Variants in SLC10A7 observed in about 807,000 individuals in gnomAD.
SLC10A7 encodes sodium/bile acid cotransporter 7.
A neutral mutation model predicts 43.2 loss-of-function variants in SLC10A7; 29 were observed. The ratio of observed to expected loss-of-function variants is 0.67; its 90% CI spans 0.50 to 0.92. The LOEUF is 0.92. SLC10A7 is among the 40% of genes least tolerant of loss of function. The probability of loss-of-function intolerance (pLI) is 0.00; values close to 1 mark genes in which losing one functional copy is unlikely to be tolerated. For synonymous variants in SLC10A7, 152 were observed against 144.8 expected (o/e 1.05, Z -0.35); for missense variants, 295 against 403.2 (o/e 0.73, Z 2.30).
intron 5 of SLC10A7, among the ~76,000 whole-genome samples, chr4:146,434,942 T>C (rs1036243768): frequency 1.3e-5 from 2 of 152,168 alleles, no homozygotes; most frequent in African/African-American, 4.8e-5. Flanking sequence ...TTAGGATGTC[T>C]GTGGAATCAC....
intron 4 of SLC10A7, among the ~76,000 whole-genome samples, chr4:146,445,919 G>A (rs991968671): frequency 1.4e-5 from 2 of 147,340 alleles, no homozygotes; most frequent in Admixed American, 6.8e-5. Context: ...GTGTGTGCAC[G>A]TGCGCACGCG....
At position 146,415,871 on chromosome 4, in the gene SLC10A7, G is replaced by A. The variant is rs573405582; in HGVS notation, c.435+26912C>T. Among the ~76,000 whole-genome samples, 4 of 152,204 alleles carry A rather than the reference G, an allele frequency of 2.6e-5. No homozygotes were observed. The South Asian group carries it at 8.3e-4, about 32-fold the overall frequency. On this transcript the variant is annotated intron_variant, in intron 5 of 11. Transcript: ENST00000335472. ...ATTCCAACCAGCTTGAAATATCATA[G>A]ATTGCGAATTAGTTAGGTACACAGC...
chr4:146,304,061 CAT>C (rs574431352), intron 7 of SLC10A7, among the ~76,000 whole-genome samples: 866 of 52,238 alleles, frequency 0.017, 2 homozygotes, highest in Admixed American at 0.025. Flanking sequence ...CCTATGATTT[CAT>C]AGAAAACAAA....
At chr4:146,275,449 G>A (rs1214257234) in intron 10 of SLC10A7, among the ~76,000 whole-genome samples, 1 of 152,134 alleles carries the variant, frequency 6.6e-6, no homozygotes, top group East Asian at 1.9e-4. Context: ...GCTTAGCATG[G>A]TGGCTAATAG....
intron 1 of SLC10A7, among the ~76,000 whole-genome samples, chr4:146,519,866 T>C (rs1414363753): frequency 6.6e-6 from 1 of 152,158 alleles, no homozygotes; most frequent in Non-Finnish European, 1.5e-5. Context: ...CTATTATAAT[T>C]AAACAAAGGA....
chr4:146,495,347 A>G (rs1170652779), intron 4 of SLC10A7, among the ~76,000 whole-genome samples: 10 of 151,990 alleles, frequency 6.6e-5, no homozygotes. Context: ...TTTCCTTTTC[A>G]CTCCTAGTCC....
intron 5 of SLC10A7, among the ~76,000 whole-genome samples, chr4:146,368,865 C>T (rs1019386787): frequency 6.6e-6 from 1 of 152,178 alleles, no homozygotes; most frequent in African/African-American, 2.4e-5. Flanking sequence ...ACACTATAGT[C>T]TATGAAAGTG....
At position 146,304,690 on chromosome 4, in the gene SLC10A7, T is replaced by C. The variant is rs575937548; in HGVS notation, c.555+1236A>G. On this transcript the variant is annotated intron_variant, in intron 7 of 11. Coordinates refer to ENST00000335472, the MANE Select transcript of SLC10A7 (RefSeq NM_001029998.6). Reference sequence around the variant, plus strand: ...TCCAAGTATGTGGTCAATTTTGGAATAGGTGTGGTGTGGTGCTGAAAAAAA... The same window carrying C: ...TCCAAGTATGTGGTCAATTTTGGAACAGGTGTGGTGTGGTGCTGAAAAAAA... Among the ~76,000 whole-genome samples the C allele has an allele frequency of 1.1e-3, 165 of 152,260 alleles. 1 individual carries two copies. Among genetic ancestry groups the C allele is most frequent in the African/African-American group, 3.4e-3 (143 of 41,544 alleles).
rs997218379 is a variant in SLC10A7 at position 146,350,486 on chromosome 4, G to C, written c.436-24490C>G. ...GCCCGCCATTGCCCAGGCTTGCTTAGGTAAACAAAGCAGCCGGGAAGCTCG... is the reference window on the plus strand; with the variant it reads ...GCCCGCCATTGCCCAGGCTTGCTTACGTAAACAAAGCAGCCGGGAAGCTCG... On this transcript the variant is annotated intron_variant, in intron 5 of 11. Coordinates refer to ENST00000335472, the MANE Select transcript of SLC10A7 (RefSeq NM_001029998.6). 2.8e-5 allele frequency among the ~76,000 whole-genome samples: 4 copies of C among 142,360 alleles called. No individual in the cohort carries two copies. The South Asian group carries it at 6.8e-4, about 24-fold the overall frequency. The allele number at this position is 142,360 out of a possible 152,430, so 93.4% of individuals were successfully genotyped here.
intron 4 of SLC10A7, among the ~76,000 whole-genome samples, chr4:146,453,270 A>G (rs1471409099): frequency 6.6e-6 from 1 of 152,002 alleles, no homozygotes; most frequent in African/African-American, 2.4e-5. Flanking sequence ...TGGGTGCTAA[A>G]TTGAATCAGG....
chr4:146,462,819 T>G (rs896178243), intron 4 of SLC10A7, among the ~76,000 whole-genome samples: 1 of 152,126 alleles, frequency 6.6e-6, no homozygotes, highest in Non-Finnish European at 1.5e-5. Context: ...ACCTGAGGCT[T>G]TCTCCTGGTC....
At position 146,324,071 on chromosome 4, in the gene SLC10A7, C is replaced by T. The variant is rs1405344203; in HGVS notation, c.471+1890G>A. ...CAAATCACGAGTGAACTCCCATTCA[C>T]AATTGCTTCAAAGAGAATAAAATAC... On this transcript the variant is annotated intron_variant, in intron 6 of 11. Coordinates refer to ENST00000335472, the MANE Select transcript of SLC10A7 (RefSeq NM_001029998.6). Among the ~76,000 whole-genome samples, 8 of 152,130 alleles carry T rather than the reference C, an allele frequency of 5.3e-5. No homozygotes were observed. The East Asian group carries it at 1.5e-3, about 29-fold the overall frequency.
At chr4:146,468,973 A>G (rs1043604601) in intron 4 of SLC10A7, among the ~76,000 whole-genome samples, 6 of 152,122 alleles carry the variant, frequency 3.9e-5, no homozygotes, top group Non-Finnish European at 7.4e-5. Context: ...ACTTGTATGA[A>G]GAAGGTCTTC....
chr4:146,401,599 A>G (rs1739231033), intron 5 of SLC10A7, among the ~76,000 whole-genome samples: 1 of 152,098 alleles, frequency 6.6e-6, no homozygotes, highest in African/African-American at 2.4e-5. Flanking sequence ...GTTTTTTTTC[A>G]GGTTGGTTGC....
intron 5 of SLC10A7, among the ~76,000 whole-genome samples, chr4:146,367,128 A>G (rs576316618): frequency 1.3e-5 from 2 of 152,294 alleles, no homozygotes; most frequent in Non-Finnish European, 2.9e-5. Context: ...TCATAACAGT[A>G]AGATATCAAG....
rs146793878 is a variant in SLC10A7 at position 146,422,665 on chromosome 4, C to T, written c.435+20118G>A. 2.4e-3 allele frequency among the ~76,000 whole-genome samples: 368 copies of T among 152,140 alleles called. 3 individuals carry two copies. Among genetic ancestry groups the T allele is most frequent in the African/African-American group, 8.3e-3 (345 of 41,518 alleles). ...TCTTATATGTATTACTTGTCTCTTT[C>T]GGATTATTATTTTGGATTATACTGT... On this transcript the variant is annotated intron_variant, in intron 5 of 11. Coordinates refer to ENST00000335472, the MANE Select transcript of SLC10A7 (RefSeq NM_001029998.6).
intron 4 of SLC10A7, among the ~76,000 whole-genome samples, chr4:146,489,989 A>C (rs776107710): frequency 1.1e-4 from 17 of 151,950 alleles, no homozygotes; most frequent in Non-Finnish European, 1.9e-4. Context: ...AATTTTTTTC[A>C]AGGGAGCTAC....
chr4:146,449,797 A>G (rs1177717078), intron 4 of SLC10A7, among the ~76,000 whole-genome samples: 1 of 152,158 alleles, frequency 6.6e-6, no homozygotes, highest in Non-Finnish European at 1.5e-5. Context: ...ATAACTTCCT[A>G]TGTTTTAAAA....
At chr4:146,397,444 G>A (rs2679135) in intron 5 of SLC10A7, among the ~76,000 whole-genome samples, 1,620 of 152,230 alleles carry the variant, frequency 0.011, 21 homozygotes, top group African/African-American at 0.036. Context: ...GTATATAATT[G>A]ATCACTGGTA....
Sources: gnomAD v4.1 joint callset for allele counts (sites outside exome capture counted in the v4.1 genomes callset) on GRCh38, gnomAD v4.1.1 for gene constraint, MANE v1.5 for transcripts, NCBI Gene and HGNC (gene_info 2026-07-23, HGNC 2026-07-21) for gene names.